Variants in VTA1 observed in about 807,000 individuals in gnomAD.
VTA1 encodes vacuolar protein sorting-associated protein VTA1 homolog.
In VTA1, 24 loss-of-function variants were observed where a neutral mutation model predicts 36.9. That is an observed-to-expected ratio of 0.65 (90% CI 0.47 to 0.91). The LOEUF (loss-of-function observed/expected upper bound fraction) is 0.91, where lower values mean the gene tolerates loss of function less well. Ranked by LOEUF, VTA1 falls within the 40% of genes least tolerant of loss-of-function variation. The probability of loss-of-function intolerance (pLI) is 0.00; values close to 1 mark genes in which losing one functional copy is unlikely to be tolerated. For synonymous variants in VTA1, 142 were observed against 130.2 expected, an observed-to-expected ratio of 1.09 and a Z score of -0.62; for missense variants, 393 against 377.2, an observed-to-expected ratio of 1.04 and a Z score of -0.35.
chr6:142,183,042 AG>A (rs889658039), intron 4 of VTA1, among the ~76,000 whole-genome samples: 2 of 151,648 alleles, frequency 1.3e-5, no homozygotes, highest in Non-Finnish European at 2.9e-5. Context: ...AGCAAGTGTA[AG>A]GGGGGGCATC....
intron 6 of VTA1, among the ~76,000 whole-genome samples, chr6:142,201,779 A>G (rs1266227221): frequency 6.6e-6 from 1 of 151,924 alleles, no homozygotes; most frequent in African/African-American, 2.4e-5. Context: ...CCTGTTTCTC[A>G]TGATTACACT....
intron 4 of VTA1, among the ~76,000 whole-genome samples, chr6:142,179,282 G>T (rs1445702572): frequency 2.0e-5 from 3 of 151,848 alleles, no homozygotes; most frequent in African/African-American, 7.3e-5. Context: ...GGAGATGTTA[G>T]ATGTTATATC....
chr6:142,212,452 A>C (rs1449061356), intron 7 of VTA1, among the ~76,000 whole-genome samples: 3 of 152,218 alleles, frequency 2.0e-5, no homozygotes, highest in Non-Finnish European at 2.9e-5. Context: ...AGTATGTGAC[A>C]TTCCGAAAAA....
chr6:142,170,497 GTTTA>G (rs1775008949), intron 4 of VTA1, 76 bp downstream of exon 4: 9 of 995,960 alleles, frequency 9.0e-6, no homozygotes, highest in South Asian at 3.9e-5. Flanking sequence ...TTATTGCATT[GTTTA>G]TTTACAGCAG....
At chr6:142,194,778 T>C (rs1019663737) in intron 5 of VTA1, among the ~76,000 whole-genome samples, 2 of 152,106 alleles carry the variant, frequency 1.3e-5, no homozygotes, top group African/African-American at 2.4e-5. Flanking sequence ...AATATGTCCA[T>C]TGTTTTGTTT....
chr6:142,148,929 T>C (rs1582871787), intron 1 of VTA1, among the ~76,000 whole-genome samples: 2 of 152,072 alleles, frequency 1.3e-5, no homozygotes, highest in South Asian at 2.1e-4. Flanking sequence ...GGCTTGGGAG[T>C]GATGGGATAA....
rs780347299 is a variant in VTA1 at position 142,218,597 on chromosome 6, A to T, written c.878A>T (p.Gln293Leu). 6.2e-7 allele frequency: 1 copy of T among 1,613,068 alleles called. No homozygotes were observed. The highest frequency in any genetic ancestry group is 1.1e-5 in the South Asian group (1 of 90,796). ...TATGAAGATGTAAGCACTGCTGTCCAGAATCTACAAAAGGCTCTCAAGTTA... is the reference window on the plus strand; with the variant it reads ...TATGAAGATGTAAGCACTGCTGTCCTGAATCTACAAAAGGCTCTCAAGTTA... ...LQYEDVSTAV[Q>L]NLQKALKLLT... Residue 293 changes from glutamine to leucine, a missense_variant, in exon 8 of 8, where the codon CAG becomes CTG. By Grantham distance (113) the Gln-to-Leu change is moderately radical. Coordinates refer to ENST00000367630, the MANE Select transcript of VTA1 (RefSeq NM_016485.5).
chr6:142,148,664 A>G (rs1436469342), intron 1 of VTA1, among the ~76,000 whole-genome samples: 1 of 152,178 alleles, frequency 6.6e-6, no homozygotes. Flanking sequence ...AGAGTATTAA[A>G]AGCTTATGAA....
At chr6:142,204,666 GGATTTAAATTTTAATCCTTTTATA>G (rs570403993) in intron 7 of VTA1, among the ~76,000 whole-genome samples, 180 of 5,970 alleles carry the variant, frequency 0.03, 1 homozygote, top group African/African-American at 0.21. Context: ...ATATTTAAAA[GGATTTAAATTTTAATCCTTTTATA>G]TTTAAAAGGA....
intron 1 of VTA1, among the ~76,000 whole-genome samples, chr6:142,158,556 A>G (rs560752613): frequency 2.9e-4 from 44 of 152,322 alleles, no homozygotes; most frequent in African/African-American, 6.0e-4. Flanking sequence ...TCAATAGTAT[A>G]TTGCTGGATC....
intron 7 of VTA1, among the ~76,000 whole-genome samples, chr6:142,214,674 A>G (rs1775973385): frequency 6.6e-6 from 1 of 152,168 alleles, no homozygotes; most frequent in East Asian, 1.9e-4. Context: ...AGTAAACCCT[A>G]ACATAGACTC....
At chr6:142,188,934 C>T (rs1050070138) in intron 4 of VTA1, among the ~76,000 whole-genome samples, 2 of 152,142 alleles carry the variant, frequency 1.3e-5, no homozygotes, top group Non-Finnish European at 2.9e-5. Context: ...TAGCATGTGA[C>T]TAGTTAAAAA....
intron 1 of VTA1, among the ~76,000 whole-genome samples, chr6:142,155,653 T>G (rs78065681): frequency 0.014 from 2,160 of 152,284 alleles, 57 homozygotes; most frequent in African/African-American, 0.05. Flanking sequence ...TAATTTCATT[T>G]TGTTACTAGA....
At position 142,219,379 on chromosome 6, in the gene VTA1, T is replaced by C. The variant is rs1402399905; in HGVS notation, c.*736T>C. 1 of 152,214 alleles carries C rather than the reference T, an allele frequency of 6.6e-6. No homozygotes were observed. The highest frequency in any genetic ancestry group is 1.5e-5 in the Non-Finnish European group (1 of 68,028). 9.4% of individuals were successfully genotyped at this position (152,214 alleles called of 1,614,324 possible). A position where few individuals can be genotyped will look rare whatever the true frequency, so the allele number is the denominator to read the frequency against. Reference sequence around the variant, plus strand: ...GTATTAGAGAATGAAAAGAAGATATTTGTAGTAATGCCTGGAAACTTGGTG... The same window carrying C: ...GTATTAGAGAATGAAAAGAAGATATCTGTAGTAATGCCTGGAAACTTGGTG... On this transcript the variant is annotated 3_prime_UTR_variant, in exon 8 of 8. Transcript: ENST00000367630.
chr6:142,175,223 C>T (rs911561267), intron 4 of VTA1, among the ~76,000 whole-genome samples: 12 of 151,988 alleles, frequency 7.9e-5, no homozygotes, highest in African/African-American at 1.5e-4. Flanking sequence ...CCCTGCAGTT[C>T]GTTCTTCTGT....
intron 5 of VTA1, among the ~76,000 whole-genome samples, chr6:142,198,008 A>G (rs1196935753): frequency 1.3e-5 from 2 of 151,164 alleles, no homozygotes; most frequent in East Asian, 1.9e-4. Context: ...GAGGCAGGAG[A>G]ATGGCGTGAA....
intron 5 of VTA1, among the ~76,000 whole-genome samples, chr6:142,198,147 GTGTGTGTGTGTGTGTGTATA>G (rs1775602577): frequency 1.3e-5 from 2 of 148,826 alleles, no homozygotes; most frequent in East Asian, 1.9e-4. Flanking sequence ...GTGTGTGTGT[GTGTGTGTGTGTGTGTGTATA>G]TGTGTGTACA....
At chr6:142,178,719 G>GCAAAT (rs1214689564) in intron 4 of VTA1, among the ~76,000 whole-genome samples, 1 of 151,994 alleles carries the variant, frequency 6.6e-6, no homozygotes, top group Admixed American at 6.6e-5. Context: ...AAAACACATA[G>GCAAAT]CAAATTTTAG....
chr6:142,219,920 A>C lies in VTA1; in HGVS notation c.*1277A>C, dbSNP rs1228947412. ...GTCTGTGGTTGCTTTCCACAACTGC[A>C]GAGTTGTATGGCTTGCAAGTCTAAA... On this transcript the variant is annotated 3_prime_UTR_variant, in exon 8 of 8. Transcript: ENST00000367630. 6.6e-6 allele frequency: 1 copy of C among 152,226 alleles called. No homozygotes were observed. The highest frequency in any genetic ancestry group is 1.5e-5 in the Non-Finnish European group (1 of 68,048). The allele number at this position is 152,226 out of a possible 1,614,324, so 9.4% of individuals were successfully genotyped here.
Sources: gnomAD v4.1 joint callset for allele counts (sites outside exome capture counted in the v4.1 genomes callset) on GRCh38, gnomAD v4.1.1 for gene constraint, MANE v1.5 for transcripts, NCBI Gene and HGNC (gene_info 2026-07-23, HGNC 2026-07-21) for gene names.